Variants in RUNX1T1 observed in about 807,000 individuals in gnomAD.
The protein encoded by RUNX1T1 is protein CBFA2T1.
In RUNX1T1, 4 loss-of-function variants were observed where a neutral mutation model predicts 62.8. That is an observed-to-expected ratio of 0.06 (90% CI 0.03 to 0.15). The LOEUF is 0.15. RUNX1T1 is among the 10% of genes least tolerant of loss of function. The pLI is 1.00. For synonymous variants in RUNX1T1, 291 were observed against 286.0 expected (o/e 1.02, Z -0.18); for missense variants, 508 against 754.3 (o/e 0.67, Z 3.82).
chr8:92,053,860 AAAATCAAGATCTGAACAT>A (rs1457039004), intron 1 of RUNX1T1, among the ~76,000 whole-genome samples: 1 of 152,184 alleles, frequency 6.6e-6, no homozygotes, highest in African/African-American at 2.4e-5. Flanking sequence ...TTAGAACTAG[AAAATCAAGATCTGAACAT>A]AAATGGCAGC....
At chr8:92,023,774 T>C (rs185013535) in intron 1 of RUNX1T1, among the ~76,000 whole-genome samples, 3 of 152,214 alleles carry the variant, frequency 2.0e-5, no homozygotes, top group Admixed American at 6.5e-5. Flanking sequence ...TGCTGGAAAC[T>C]GCCATTCCCT....
chr8:91,975,579 C>G (rs1483861592), intron 9 of RUNX1T1, among the ~76,000 whole-genome samples: 1 of 151,046 alleles, frequency 6.6e-6, no homozygotes, highest in Non-Finnish European at 1.5e-5. Context: ...AAAATGCATG[C>G]AAGCTAAGAC....
At chr8:92,001,056 T>C (rs1819655058) in intron 5 of RUNX1T1, among the ~76,000 whole-genome samples, 1 of 152,074 alleles carries the variant, frequency 6.6e-6, no homozygotes, top group African/African-American at 2.4e-5. Flanking sequence ...CTGGGTGTGG[T>C]GGTGCATACC....
At chr8:92,042,672 G>GT (rs941479922) in intron 1 of RUNX1T1, among the ~76,000 whole-genome samples, 3 of 152,176 alleles carry the variant, frequency 2.0e-5, no homozygotes, top group Non-Finnish European at 4.4e-5. Context: ...AACTGCCTCT[G>GT]TAAGTGATTT....
intron 1 of RUNX1T1, among the ~76,000 whole-genome samples, chr8:92,090,890 A>G (rs1375299545): frequency 6.6e-6 from 1 of 152,204 alleles, no homozygotes; most frequent in Admixed American, 6.5e-5. Context: ...AACACTGGTT[A>G]ATCAATTACT....
At position 91,966,443 on chromosome 8, in the gene RUNX1T1, TTAAAACTC is replaced by T. The variant is rs144149804; in HGVS notation, c.1458+4207_1458+4214del. On this transcript the variant is annotated intron_variant, in intron 10 of 10. Transcript: ENST00000396218. Reference sequence around the variant, plus strand: ...GGGGGAAAAACATCACTTTGGTAGTTTAAAACTCTAAACTATTAGAACAATAAAAGTAT... The same window carrying T: ...GGGGGAAAAACATCACTTTGGTAGTTTAAACTATTAGAACAATAAAAGTAT... Among the ~76,000 whole-genome samples the T allele has an allele frequency of 9.7e-3, 1,479 of 152,196 alleles. 17 individuals carry two copies. Among genetic ancestry groups the T allele is most frequent in the African/African-American group, 0.033 (1,387 of 41,530 alleles).
At chr8:92,008,388 T>TCACACACA (rs566293413) in intron 4 of RUNX1T1, among the ~76,000 whole-genome samples, 7,057 of 131,852 alleles carry the variant, frequency 0.054, 260 homozygotes, top group African/African-American at 0.061. Context: ...TCTCTCTCTC[T>TCACACACA]CACACACACA....
chr8:92,097,793 G>A (rs1024411189), intron 1 of RUNX1T1, among the ~76,000 whole-genome samples: 4 of 152,008 alleles, frequency 2.6e-5, no homozygotes, highest in African/African-American at 7.2e-5. Context: ...ATTGACTTTT[G>A]GCTCACAGTT....
intron 1 of RUNX1T1, among the ~76,000 whole-genome samples, chr8:92,018,414 C>T (rs966633497): frequency 2.0e-4 from 30 of 152,148 alleles, no homozygotes; most frequent in Non-Finnish European, 7.4e-5. Flanking sequence ...ACAGCAGTAT[C>T]AGAGTCTCTA....
At chr8:92,068,037 G>A (rs4735059) in intron 2 of RUNX1T1, among the ~76,000 whole-genome samples, 38,686 of 151,638 alleles carry the variant, frequency 0.26, 5,631 homozygotes, top group African/African-American at 0.4. Context: ...GTTAAATTAT[G>A]TTAAAATTTT....
chr8:92,003,953 A>G (rs1261766137), intron 5 of RUNX1T1, among the ~76,000 whole-genome samples: 1 of 152,250 alleles, frequency 6.6e-6, no homozygotes, highest in Admixed American at 6.5e-5. Context: ...TAAACTATTA[A>G]GAGGTTCTAT....
chr8:91,984,489 G>T (rs1207099769), intron 8 of RUNX1T1, among the ~76,000 whole-genome samples: 1 of 152,096 alleles, frequency 6.6e-6, no homozygotes, highest in Non-Finnish European at 1.5e-5. Context: ...AGACCCAAAG[G>T]CCCTCAAAGA....
intron 1 of RUNX1T1, among the ~76,000 whole-genome samples, chr8:92,039,935 A>T (rs972252225): frequency 6.6e-6 from 1 of 152,046 alleles, no homozygotes; most frequent in Non-Finnish European, 1.5e-5. Context: ...TACAAATCTC[A>T]TCTTCTTCAA....
chr8:91,965,679 T>C (rs1162336082), intron 10 of RUNX1T1, among the ~76,000 whole-genome samples: 2 of 152,138 alleles, frequency 1.3e-5, no homozygotes, highest in African/African-American at 2.4e-5. Context: ...GCAACACTCA[T>C]GCCCAAGACT....
chr8:92,056,608 C>T (rs1226958254), intron 1 of RUNX1T1, among the ~76,000 whole-genome samples: 12 of 144,830 alleles, frequency 8.3e-5, no homozygotes, highest in African/African-American at 3.0e-4. Context: ...AAATCAACTG[C>T]TTTTTTTTTT....
At chr8:92,006,250 C>G (rs757466648) in intron 4 of RUNX1T1, 1 of 152,156 alleles carries the variant, frequency 6.6e-6, no homozygotes, top group Non-Finnish European at 1.5e-5. Flanking sequence ...ATTGTCATTG[C>G]TTTCTCTTTC....
At chr8:92,030,537 A>T (rs559962694) in intron 1 of RUNX1T1, among the ~76,000 whole-genome samples, 132 of 152,334 alleles carry the variant, frequency 8.7e-4, no homozygotes, top group Non-Finnish European at 1.4e-3. Flanking sequence ...TAAAATAACA[A>T]CTGACGATAA....
intron 3 of RUNX1T1, among the ~76,000 whole-genome samples, chr8:92,012,522 G>C (rs929850671): frequency 1.3e-5 from 2 of 151,902 alleles, no homozygotes; most frequent in Non-Finnish European, 2.9e-5. Flanking sequence ...GAACGGGTAT[G>C]GGTGACAGAG....
intron 1 of RUNX1T1, among the ~76,000 whole-genome samples, chr8:92,090,190 CTTT>C (rs113019970): frequency 7.1e-6 from 1 of 141,450 alleles, no homozygotes; most frequent in Non-Finnish European, 1.5e-5. Flanking sequence ...ACACCAGGTC[CTTT>C]TTTTTTTTTT....
Sources: allele counts gnomAD v4.1 joint callset (sites outside exome capture counted in the v4.1 genomes callset), GRCh38; gene constraint gnomAD v4.1.1; transcripts MANE v1.5; gene names NCBI Gene and HGNC (gene_info 2026-07-23, HGNC 2026-07-21).